The following PSAP variants were observed in gnomAD, a reference collection of about 807,000 sequenced individuals.
The protein encoded by PSAP is prosaposin, also known as precursor of saposins.
Under a neutral mutation model 66.0 loss-of-function variants are expected in PSAP, and 25 were observed. That is an observed-to-expected ratio of 0.38 (90% CI 0.28 to 0.53). The LOEUF (loss-of-function observed/expected upper bound fraction) is 0.53. PSAP is among the 20% of genes least tolerant of loss of function. The pLI is 0.83. For missense variants in PSAP, 649 were observed against 668.8 expected, an observed-to-expected ratio of 0.97 and a Z score of 0.33; for synonymous variants, 273 against 258.9, an observed-to-expected ratio of 1.05 and a Z score of -0.52.
At chr10:71,844,171 C>T (rs570179424) in intron 1 of PSAP, among the ~76,000 whole-genome samples, 18 of 152,302 alleles carry the variant, frequency 1.2e-4, no homozygotes, top group African/African-American at 3.8e-4. Flanking sequence ...AAACTGAATA[C>T]GTTATGGAAT....
At chr10:71,831,274 G>A (rs1047149763) in intron 3 of PSAP, 23 bp from the exon 4 acceptor site, 13 of 1,612,622 alleles carry the variant, frequency 8.1e-6, no homozygotes, top group Non-Finnish European at 1.1e-5. Flanking sequence ...ACCAGGGTCA[G>A]AATCACGATA....
chr10:71,841,031 T>C (rs1842724500), intron 1 of PSAP, among the ~76,000 whole-genome samples: 1 of 152,224 alleles, frequency 6.6e-6, no homozygotes, highest in South Asian at 2.1e-4. Flanking sequence ...TAGATCACCT[T>C]AGATAAGATT....
intron 6 of PSAP, 67 bp from the exon 7 acceptor site, chr10:71,825,960 A>C: frequency 2.9e-6 from 4 of 1,368,252 alleles, no homozygotes; most frequent in Non-Finnish European, 4.2e-6. Context: ...AACCAACAAA[A>C]ACCCCCCAGC....
chr10:71,827,208 AAC>A (rs1564818705), intron 6 of PSAP, among the ~76,000 whole-genome samples: 1 of 151,358 alleles, frequency 6.6e-6, no homozygotes, highest in Non-Finnish European at 1.5e-5. Flanking sequence ...CATCCTGGCT[AAC>A]ACAGTGAAAC....
chr10:71,834,932 G>A (rs532890489), intron 1 of PSAP, among the ~76,000 whole-genome samples: 9 of 152,188 alleles, frequency 5.9e-5, no homozygotes, highest in African/African-American at 1.7e-4. Flanking sequence ...TAGAATGAAG[G>A]GTTTTTTTAA....
At chr10:71,846,348 TA>T (rs1842823055) in intron 1 of PSAP, among the ~76,000 whole-genome samples, 1 of 140,692 alleles carries the variant, frequency 7.1e-6, no homozygotes, top group South Asian at 2.2e-4. Flanking sequence ...TAATAAAAAA[TA>T]AAGCAATTAG....
chr10:71,828,757 CAG>C, intron 5 of PSAP, 118 bp downstream of exon 5: 1 of 1,045,802 alleles, frequency 9.6e-7, no homozygotes, highest in South Asian at 1.5e-5. Flanking sequence ...CATGTGACTG[CAG>C]AGTCACGCAC....
intron 8 of PSAP, 68 bp from the exon 9 acceptor site, chr10:71,820,403 A>G: frequency 7.6e-7 from 1 of 1,323,894 alleles, no homozygotes; most frequent in Non-Finnish European, 1.1e-6. Flanking sequence ...TGCTCCCCTA[A>G]AGGAAAGGGG....
In PSAP at chr10:71,817,509, C is replaced by T. The variant is rs1842193906; in HGVS notation, c.1540-33G>A. Reference sequence around the variant, plus strand: ...GAGAGAGGAAGCTGAGTTTAGTCTTCGGATGAAAAACTCCGTTCCCGGCCC... The same window carrying T: ...GAGAGAGGAAGCTGAGTTTAGTCTTTGGATGAAAAACTCCGTTCCCGGCCC... On this transcript the variant is annotated intron_variant, in intron 13 of 13. Transcript: ENST00000394936. 5.0e-6 allele frequency: 8 copies of T among 1,611,434 alleles called. No homozygotes were observed. The East Asian group carries it at 8.9e-5, about 18-fold the overall frequency.
At chr10:71,818,215 C>T (rs922569612) in intron 13 of PSAP, among the ~76,000 whole-genome samples, 16 of 152,104 alleles carry the variant, frequency 1.1e-4, no homozygotes, top group South Asian at 4.2e-4. Context: ...AGTGAGGACT[C>T]GGGCCCGGCT....
intron 6 of PSAP, among the ~76,000 whole-genome samples, chr10:71,826,542 G>C (rs375750195): frequency 2.0e-5 from 3 of 152,298 alleles, no homozygotes; most frequent in South Asian, 2.1e-4. Context: ...CTTTCAAAAT[G>C]AATGAATGTT....
In PSAP at chr10:71,850,362, T is replaced by C. The variant is rs143142935; in HGVS notation, c.40+820A>G. On this transcript the variant is annotated intron_variant, in intron 1 of 13. Transcript: ENST00000394936. ...TTGAATACTTTCTTTCTATTGATTC[T>C]AGGTTTTCAGATAAACTCAACCAAT... Among the ~76,000 whole-genome samples the C allele has an allele frequency of 5.2e-5, 8 of 152,384 alleles. No individual in the cohort carries two copies. In the East Asian group the frequency reaches 1.5e-3, roughly 29 times the overall value.
chr10:71,848,315 A>G lies in PSAP; in HGVS notation c.40+2867T>C, dbSNP rs547891680. On this transcript the variant is annotated intron_variant, in intron 1 of 13. Transcript: ENST00000394936. Reference sequence around the variant, plus strand: ...TTAATCGTCCACGTATGTAACTTACACTAAGTTTTTAAAAGTTAAGAGGTC... The same window carrying G: ...TTAATCGTCCACGTATGTAACTTACGCTAAGTTTTTAAAAGTTAAGAGGTC... 1.5e-3 allele frequency among the ~76,000 whole-genome samples: 229 copies of G among 152,338 alleles called. 1 individual carries two copies. Among genetic ancestry groups the G allele is most frequent in the African/African-American group, 5.2e-3 (218 of 41,574 alleles).
intron 2 of PSAP, among the ~76,000 whole-genome samples, chr10:71,832,948 C>T (rs1384969798): frequency 1.4e-5 from 2 of 142,028 alleles, no homozygotes; most frequent in East Asian, 2.1e-4. Flanking sequence ...ACCCGGGAGG[C>T]GGAGGTTGCA....
chr10:71,821,249 T>G (rs141884839), intron 8 of PSAP, among the ~76,000 whole-genome samples: 21 of 152,360 alleles, frequency 1.4e-4, no homozygotes, highest in Middle Eastern at 3.4e-3. Flanking sequence ...CGTGTACATG[T>G]GCCACGTGTT....
At chr10:71,823,974 CAACA>C (rs1355386727) in intron 7 of PSAP, 1 of 1,135,292 alleles carries the variant, frequency 8.8e-7, no homozygotes, top group African/African-American at 1.6e-5. Context: ...AAAATTAAAA[CAACA>C]ATCAAGCAGT....
intron 1 of PSAP, among the ~76,000 whole-genome samples, chr10:71,843,866 C>T (rs966603089): frequency 2.0e-5 from 3 of 152,192 alleles, no homozygotes; most frequent in Non-Finnish European, 4.4e-5. Flanking sequence ...TAATTACTTG[C>T]TTTTGGCAAA....
At chr10:71,848,755 C>T (rs1368271362) in intron 1 of PSAP, among the ~76,000 whole-genome samples, 1 of 152,168 alleles carries the variant, frequency 6.6e-6, no homozygotes, top group African/African-American at 2.4e-5. Flanking sequence ...ATTATCATGT[C>T]TAGAAATTTT....
chr10:71,817,316 TG>T lies in PSAP; in HGVS notation c.*124del. 2 of 1,021,348 alleles carry T rather than the reference TG, an allele frequency of 2.0e-6. No homozygotes were observed. Among genetic ancestry groups the T allele is most frequent in the Non-Finnish European group, 3.1e-6 (2 of 644,650 alleles). The allele number at this position is 1,021,348 out of a possible 1,614,324, so 63.3% of individuals were successfully genotyped here. A position where few individuals can be genotyped will look rare whatever the true frequency, so the allele number is the denominator to read the frequency against. ...AATGCTACAATAAAGGACACAGAAA[TG>T]GGGGAGGTGGGGGAGCCCTATTTTT... On this transcript the variant is annotated 3_prime_UTR_variant, in exon 14 of 14. Coordinates refer to ENST00000394936, the MANE Select transcript of PSAP (RefSeq NM_002778.4).
Sources: gnomAD v4.1 joint callset for allele counts (sites outside exome capture counted in the v4.1 genomes callset) on GRCh38, gnomAD v4.1.1 for gene constraint, MANE v1.5 for transcripts, NCBI Gene and HGNC (gene_info 2026-07-23, HGNC 2026-07-21) for gene names.